Variants in ANTXR1 observed in about 807,000 individuals in gnomAD.
ANTXR1 encodes anthrax toxin receptor 1.
In ANTXR1, 19 loss-of-function variants were observed where a neutral mutation model predicts 78.1. That is an observed-to-expected ratio of 0.24 (90% CI 0.17 to 0.36). ANTXR1 has a LOEUF of 0.36. Ranked by LOEUF, ANTXR1 falls within the 10% of genes least tolerant of loss-of-function variation. The pLI is 1.00. For missense variants in ANTXR1, 518 were observed against 718.6 expected (o/e 0.72, Z 3.19); for synonymous variants, 273 against 260.5 (o/e 1.05, Z -0.46).
intron 9 of ANTXR1, among the ~76,000 whole-genome samples, chr2:69,096,282 A>AAGGAAGGAAGGAAGGAAGGG (rs1553362854): frequency 1.2e-4 from 4 of 34,632 alleles, no homozygotes; most frequent in Non-Finnish European, 1.8e-4. Flanking sequence ...GGAAGGAAGG[A>AAGGAAGGAAGGAAGGAAGGG]AGGAAGGGAG....
intron 17 of ANTXR1, among the ~76,000 whole-genome samples, chr2:69,237,783 A>AT (rs1222580420): frequency 6.6e-6 from 1 of 152,226 alleles, no homozygotes. Flanking sequence ...GTATACATAC[A>AT]TTTTATACAT....
chr2:69,145,206 G>A (rs1673188757), intron 12 of ANTXR1: 2 of 972,942 alleles, frequency 2.1e-6, no homozygotes, highest in Admixed American at 4.2e-5. Context: ...AGTTACGGGG[G>A]GCTGATTCGC....
chr2:69,202,415 G>C (rs1439612401), intron 17 of ANTXR1, among the ~76,000 whole-genome samples: 1 of 152,168 alleles, frequency 6.6e-6, no homozygotes, highest in East Asian at 1.9e-4. Context: ...TGGGATGATG[G>C]GGTTGGGAGC....
rs983979541 is a variant in ANTXR1 at position 69,013,967 on chromosome 2, TC to T, written c.152+319del. The stretch of plus-strand genomic sequence containing the variant: ...TATTGTCTTGCTGAGTTTCTGTGAC[TC>T]CCTCCCGTGTTGGTGGGAAAGGCTT... On this transcript the variant is annotated intron_variant, in intron 1 of 17. Transcript: ENST00000303714. This position sits in a 1 kb window ranked among gnomAD's most constrained non-coding sequence, Gnocchi z 5.0. Among the ~76,000 whole-genome samples, 67 of 152,284 alleles carry T rather than the reference TC, an allele frequency of 4.4e-4. No individual in the cohort carries two copies. Among genetic ancestry groups the T allele is most frequent in the African/African-American group, 1.6e-3 (67 of 41,568 alleles).
rs779558755 is a variant in ANTXR1 at position 69,181,804 on chromosome 2, C to T, written c.1108C>T (p.Leu370=). The T allele has an allele frequency of 6.2e-7, 1 of 1,614,086 alleles. No individual in the cohort carries two copies. The highest frequency in any genetic ancestry group is 8.5e-7 in the Non-Finnish European group (1 of 1,179,982). ...TCTGCAGGAAGAAGATGATGATGGT[C>T]TGCCTAAGAAAAAGTGGCCAACGGT... ...EESEEEDDDG[L]PKKKWPTVDA... Residue 370 remains leucine, a synonymous_variant, in exon 15 of 18, where the codon CTG becomes TTG. Coordinates refer to ENST00000303714, the MANE Select transcript of ANTXR1 (RefSeq NM_032208.3).
chr2:69,218,552 G>A (rs148867801), intron 17 of ANTXR1, among the ~76,000 whole-genome samples: 1 of 152,306 alleles, frequency 6.6e-6, no homozygotes, highest in East Asian at 1.9e-4. Flanking sequence ...GGTAGGTTAA[G>A]AGCAGAGAGC....
chr2:69,166,859 G>T (rs1467180206), intron 13 of ANTXR1, among the ~76,000 whole-genome samples: 1 of 152,186 alleles, frequency 6.6e-6, no homozygotes, highest in African/African-American at 2.4e-5. Flanking sequence ...AGTCATGCTG[G>T]TTGGAAACAA....
chr2:69,117,353 T>G (rs775536795), intron 10 of ANTXR1, among the ~76,000 whole-genome samples: 1 of 152,232 alleles, frequency 6.6e-6, no homozygotes, highest in Non-Finnish European at 1.5e-5. Context: ...AACTAACCCT[T>G]CTGACTCTCA....
At chr2:69,200,744 G>C (rs115610437) in intron 17 of ANTXR1, among the ~76,000 whole-genome samples, 1 of 152,108 alleles carries the variant, frequency 6.6e-6, no homozygotes, top group Admixed American at 6.5e-5. Flanking sequence ...GCTTCCAGGA[G>C]TTCATGTATG....
intron 10 of ANTXR1, among the ~76,000 whole-genome samples, chr2:69,119,655 C>T (rs1043941973): frequency 1.3e-5 from 2 of 152,056 alleles, no homozygotes; most frequent in Non-Finnish European, 2.9e-5. Flanking sequence ...GAAATATGAG[C>T]CTAATGATCC....
At chr2:69,014,534 C>G (rs369085714) in intron 1 of ANTXR1, among the ~76,000 whole-genome samples, 39 of 151,796 alleles carry the variant, frequency 2.6e-4, no homozygotes, top group African/African-American at 9.0e-4. Flanking sequence ...GAATTCTGAC[C>G]AATGAAGCAC....
intron 12 of ANTXR1, among the ~76,000 whole-genome samples, chr2:69,129,414 G>A (rs1445575674): frequency 6.6e-6 from 1 of 152,076 alleles, no homozygotes; most frequent in Non-Finnish European, 1.5e-5. Context: ...CTGTCCTTAA[G>A]GAGCCTAAAA....
intron 17 of ANTXR1, among the ~76,000 whole-genome samples, chr2:69,197,768 CTT>C (rs1321513809): frequency 6.6e-6 from 1 of 152,146 alleles, no homozygotes; most frequent in Non-Finnish European, 1.5e-5. Context: ...CTTGGCCACT[CTT>C]TGAGTTCAGA....
chr2:69,098,682 C>T (rs1398309936), intron 9 of ANTXR1, among the ~76,000 whole-genome samples: 2 of 152,080 alleles, frequency 1.3e-5, no homozygotes, highest in African/African-American at 4.8e-5. Context: ...ATAAAAATCA[C>T]CCTTTTAAAA....
intron 12 of ANTXR1, among the ~76,000 whole-genome samples, chr2:69,128,043 G>T (rs1330151991): frequency 6.6e-6 from 1 of 152,162 alleles, no homozygotes; most frequent in Non-Finnish European, 1.5e-5. Context: ...TGCCCAACAT[G>T]ACAAAACTCT....
At chr2:69,053,120 A>T (rs1669971506) in intron 3 of ANTXR1, among the ~76,000 whole-genome samples, 1 of 152,150 alleles carries the variant, frequency 6.6e-6, no homozygotes, top group Non-Finnish European at 1.5e-5. Flanking sequence ...CAAATTCCTA[A>T]AATTGGTCCT....
chr2:69,118,435 G>C (rs1573900597), intron 10 of ANTXR1, among the ~76,000 whole-genome samples: 1 of 151,974 alleles, frequency 6.6e-6, no homozygotes, highest in African/African-American at 2.4e-5. Flanking sequence ...TGTCTCAAAA[G>C]AAAATAACAA....
chr2:69,038,614 T>C (rs780763264), intron 1 of ANTXR1, among the ~76,000 whole-genome samples: 6 of 152,224 alleles, frequency 3.9e-5, no homozygotes, highest in Non-Finnish European at 5.9e-5. Context: ...TAAGAATGTG[T>C]ATGTGAATAT....
At chr2:69,135,006 G>C (rs2104404324) in intron 12 of ANTXR1, 1 of 410,622 alleles carries the variant, frequency 2.4e-6, no homozygotes, top group South Asian at 1.8e-5. Flanking sequence ...ATGGCTTGTG[G>C]TTTTACATAC....
Sources: allele counts gnomAD v4.1 joint callset (sites outside exome capture counted in the v4.1 genomes callset), GRCh38; gene constraint gnomAD v4.1.1; non-coding constraint Gnocchi (gnomAD v3.1); transcripts MANE v1.5; gene names NCBI Gene and HGNC (gene_info 2026-07-23, HGNC 2026-07-21).